CTNNA3: variants seen among roughly 807,000 people sequenced by gnomAD.
CTNNA3 encodes the protein catenin alpha-3.
In CTNNA3, 76 loss-of-function variants were observed where a neutral mutation model predicts 95.7. The observed-to-expected ratio is 0.79, with a 90% CI of 0.66 to 0.96. The LOEUF (loss-of-function observed/expected upper bound fraction) is 0.96, where lower values mean the gene tolerates loss of function less well. Ranked by LOEUF, CTNNA3 falls within the 40% of genes least tolerant of loss-of-function variation. The probability of loss-of-function intolerance (pLI) is 0.00; values close to 1 mark genes in which losing one functional copy is unlikely to be tolerated. For synonymous variants in CTNNA3, 431 were observed against 374.4 expected, an observed-to-expected ratio of 1.15 and a Z score of -1.74; for missense variants, 1,191 against 1,089.8, an observed-to-expected ratio of 1.09 and a Z score of -1.31.
At chr10:67,337,198 G>A (rs906822334) in intron 5 of CTNNA3, among the ~76,000 whole-genome samples, 4 of 152,142 alleles carry the variant, frequency 2.6e-5, no homozygotes, top group African/African-American at 9.7e-5. Context: ...CGATTCATGG[G>A]AGGAGGTCAA....
chr10:66,154,916 G>T (rs2133915334), intron 13 of CTNNA3, among the ~76,000 whole-genome samples: 1 of 151,310 alleles, frequency 6.6e-6, no homozygotes, highest in Middle Eastern at 3.4e-3. Flanking sequence ...GTTTGACAAA[G>T]AGTTGACAAA....
At chr10:66,915,418 C>T (rs1846438545) in intron 7 of CTNNA3, among the ~76,000 whole-genome samples, 1 of 151,986 alleles carries the variant, frequency 6.6e-6, no homozygotes, top group Admixed American at 6.6e-5. Context: ...TTACAGCAAT[C>T]TATCAATCAG....
chr10:66,930,377 A>G (rs191818496), intron 7 of CTNNA3, among the ~76,000 whole-genome samples: 1 of 152,282 alleles, frequency 6.6e-6, no homozygotes, highest in Admixed American at 6.5e-5. Flanking sequence ...TGGATGACTG[A>G]GCTTATTGTG....
chr10:67,347,778 T>C (rs1372325679), intron 5 of CTNNA3, among the ~76,000 whole-genome samples: 4 of 142,694 alleles, frequency 2.8e-5, no homozygotes, highest in African/African-American at 1.0e-4. Flanking sequence ...AGACTACTCA[T>C]AGAAAAGAAT....
chr10:66,516,501 A>G (rs1840863151), intron 11 of CTNNA3, among the ~76,000 whole-genome samples: 1 of 152,204 alleles, frequency 6.6e-6, no homozygotes, highest in Non-Finnish European at 1.5e-5. Context: ...CCAGCTCACA[A>G]GAGCCGATTC....
chr10:65,955,214 T>G (rs1463556622), intron 17 of CTNNA3, among the ~76,000 whole-genome samples: 4 of 152,224 alleles, frequency 2.6e-5, no homozygotes, highest in African/African-American at 9.6e-5. Flanking sequence ...ATAGGAATGC[T>G]TGTGATTTTT....
chr10:65,975,600 T>G (rs2078194699), intron 16 of CTNNA3, among the ~76,000 whole-genome samples: 1 of 152,148 alleles, frequency 6.6e-6, no homozygotes, highest in Admixed American at 6.5e-5. Context: ...AAACAAGTCA[T>G]CTCTTTGTTT....
intron 7 of CTNNA3, among the ~76,000 whole-genome samples, chr10:67,016,823 A>T (rs7087739): frequency 0.9 from 137,726 of 152,204 alleles, 62,711 homozygotes; most frequent in Middle Eastern, 0.98. Context: ...TTCTTTGATA[A>T]TTTTAGTAGA....
chr10:67,738,463 G>C (rs1022062379), intron 1 of CTNNA3, among the ~76,000 whole-genome samples: 2 of 152,056 alleles, frequency 1.3e-5, no homozygotes, highest in Non-Finnish European at 2.9e-5. Context: ...AAAGACCAAA[G>C]GTAGATAAAA....
chr10:66,720,937 T>C (rs1397072903), intron 9 of CTNNA3, among the ~76,000 whole-genome samples: 3 of 152,156 alleles, frequency 2.0e-5, no homozygotes, highest in Admixed American at 1.3e-4. Flanking sequence ...CTATGGTAAA[T>C]GTTTCCTACT....
At chr10:67,311,761 A>G (rs1325511794) in intron 5 of CTNNA3, among the ~76,000 whole-genome samples, 5 of 152,244 alleles carry the variant, frequency 3.3e-5, no homozygotes, top group African/African-American at 1.2e-4. Context: ...AAAGCAAGGA[A>G]AGCATAAAAC....
intron 16 of CTNNA3, among the ~76,000 whole-genome samples, chr10:65,984,957 T>C (rs2078397197): frequency 6.6e-6 from 1 of 151,118 alleles, no homozygotes. Context: ...ATTTAGGATA[T>C]AGTTTGTTTT....
intron 8 of CTNNA3, among the ~76,000 whole-genome samples, chr10:66,771,437 G>A (rs908906583): frequency 7.2e-5 from 11 of 152,082 alleles, no homozygotes; most frequent in Admixed American, 2.0e-4. Context: ...TGGAAAAAGA[G>A]GCTAAAGAAA....
At chr10:66,096,850 G>C (rs1001891537) in intron 14 of CTNNA3, among the ~76,000 whole-genome samples, 2 of 152,078 alleles carry the variant, frequency 1.3e-5, no homozygotes, top group African/African-American at 4.8e-5. Context: ...AAAAGTTTAA[G>C]TCCTATGCAA....
At chr10:66,622,395 G>C (rs1844781279) in intron 9 of CTNNA3, among the ~76,000 whole-genome samples, 2 of 152,022 alleles carry the variant, frequency 1.3e-5, no homozygotes, top group African/African-American at 4.8e-5. Context: ...TTATATTATT[G>C]CTTTTGAAAT....
At chr10:66,854,270 G>A (rs923790227) in intron 7 of CTNNA3, among the ~76,000 whole-genome samples, 1 of 151,456 alleles carries the variant, frequency 6.6e-6, no homozygotes, top group Admixed American at 6.6e-5. Flanking sequence ...TTCTTTTCCT[G>A]TCCCAGGTAC....
intron 9 of CTNNA3, among the ~76,000 whole-genome samples, chr10:66,757,556 G>A (rs1049656473): frequency 5.3e-5 from 8 of 152,126 alleles, no homozygotes; most frequent in South Asian, 4.1e-4. Context: ...AAGAATGACT[G>A]CATGCAGATT....
chr10:66,859,505 G>A (rs1843818337), intron 7 of CTNNA3, among the ~76,000 whole-genome samples: 1 of 152,000 alleles, frequency 6.6e-6, no homozygotes, highest in African/African-American at 2.4e-5. Flanking sequence ...TCATTAAAAT[G>A]TCAGGAAACA....
rs544295372 is a variant in CTNNA3, at chr10:66,885,791, A to C, written c.1048-110267T>G. ...GGATAATAGAAAGAAAAATAAGAAA[A>C]TAATTTGAGAAAATTCTTTGTAACA... On this transcript the variant is annotated intron_variant, in intron 7 of 17. Coordinates refer to ENST00000433211, the MANE Select transcript of CTNNA3 (RefSeq NM_013266.4). 4.6e-5 allele frequency among the ~76,000 whole-genome samples: 7 copies of C among 152,302 alleles called. 1 individual carries two copies. In the South Asian group the frequency reaches 1.4e-3, roughly 32 times the overall value.
Sources: allele counts gnomAD v4.1 joint callset (sites outside exome capture counted in the v4.1 genomes callset), GRCh38; gene constraint gnomAD v4.1.1; transcripts MANE v1.5; gene names NCBI Gene and HGNC (gene_info 2026-07-23, HGNC 2026-07-21).